Variants in INSC observed in about 807,000 individuals in gnomAD.
The protein encoded by INSC is INSC spindle orientation adaptor protein.
INSC carries 67 observed loss-of-function variants against 58.6 expected under a neutral mutation model. That is an observed-to-expected ratio of 1.14 (90% CI 0.94 to 1.40). INSC has a LOEUF of 1.40. Ranked by LOEUF, INSC falls within the 40% of genes most tolerant of loss-of-function variation. The pLI, the probability that INSC is intolerant of heterozygous loss-of-function variation, is 0.00. For missense variants in INSC, 714 were observed against 692.0 expected (o/e 1.03, Z -0.36); for synonymous variants, 262 against 276.1 (o/e 0.95, Z 0.51).
At chr11:15,113,691 T>G (rs1309760819), upstream of INSC, among the ~76,000 whole-genome samples, 1 of 152,076 alleles carries the variant, frequency 6.6e-6, no homozygotes, top group African/African-American at 2.4e-5. Flanking sequence ...GAAGCTGGCT[T>G]GTCTGAGAGG....
intron 9 of INSC, among the ~76,000 whole-genome samples, chr11:15,234,982 T>C (rs1451358804): frequency 2.0e-5 from 3 of 152,220 alleles, no homozygotes; most frequent in Non-Finnish European, 4.4e-5. Context: ...AGGCAGAGAC[T>C]TTCAGTGATG....
At position 15,240,541 on chromosome 11, in the gene INSC, C is replaced by T. The variant is rs561928228; in HGVS notation, c.1470+18C>T. 1.3e-4 allele frequency: 208 copies of T among 1,607,976 alleles called. 1 individual carries two copies. The African/African-American group carries it at 2.6e-3, about 20-fold the overall frequency. Reference sequence around the variant, plus strand: ...CCTGCCTGGTGAGTTCTCAGTCTTCCCCCAGCTTTTCCCCTGGCCTTCGGA... The same window carrying T: ...CCTGCCTGGTGAGTTCTCAGTCTTCTCCCAGCTTTTCCCCTGGCCTTCGGA... On this transcript the variant is annotated intron_variant, in intron 12 of 12. Coordinates refer to ENST00000379556, the MANE Select transcript of INSC (RefSeq NM_001042536.3).
chr11:15,228,208 G>A (rs977039141), intron 9 of INSC, among the ~76,000 whole-genome samples: 6 of 152,190 alleles, frequency 3.9e-5, no homozygotes, highest in African/African-American at 1.4e-4. Flanking sequence ...CCTCCAGAGA[G>A]GAGTCCCCTC....
At chr11:15,134,008 C>G (rs1326875883) in intron 1 of INSC, among the ~76,000 whole-genome samples, 1 of 115,074 alleles carries the variant, frequency 8.7e-6, no homozygotes, top group Non-Finnish European at 2.0e-5. Flanking sequence ...TGATATGCCT[C>G]TCTAAAAGAG....
At chr11:15,188,164 C>T in intron 5 of INSC, 1 of 985,170 alleles carries the variant, frequency 1.0e-6, no homozygotes, top group Non-Finnish European at 1.2e-6. Context: ...CAGGGCAGAT[C>T]CAGAGGGGCA....
At position 15,175,863 on chromosome 11, in the gene INSC, G is replaced by A. The variant is rs760748744; in HGVS notation, c.179G>A (p.Gly60Asp). 1.9e-6 allele frequency: 3 copies of A among 1,614,108 alleles called. No homozygotes were observed. The highest frequency in any genetic ancestry group is 1.6e-4 in the Middle Eastern group (1 of 6,062). ...ATCAGCCTGGAAGAGGATGCACAGG[G>A]TGACCTCATCCTGGCAGGTGGCCCT... ...KPISLEEDAQ[G>D]DLILAGGPGP... is the part of the protein sequence containing the mutation. Residue 60 changes from glycine (G) to aspartate (D), a missense_variant, in exon 3 of 13, where the codon GGT (glycine) becomes GAT (aspartate). Gly to Asp is a moderately conservative substitution (Grantham distance 94, BLOSUM62 -1). Coordinates refer to ENST00000379556, the MANE Select transcript of INSC (RefSeq NM_001042536.3).
At chr11:15,181,681 C>A (rs1176723273) in intron 5 of INSC, among the ~76,000 whole-genome samples, 2 of 152,116 alleles carry the variant, frequency 1.3e-5, no homozygotes, top group Non-Finnish European at 2.9e-5. Context: ...TAAGTTTTTT[C>A]TTTTCCTTTA....
chr11:15,170,265 A>G (rs372859691), intron 2 of INSC, among the ~76,000 whole-genome samples: 1 of 152,064 alleles, frequency 6.6e-6, no homozygotes, highest in Non-Finnish European at 1.5e-5. Flanking sequence ...TTCAGATTTC[A>G]CTAGTTTTTT....
intron 10 of INSC, 91 bp downstream of exon 10, chr11:15,235,759 G>A: frequency 6.5e-6 from 7 of 1,082,284 alleles, no homozygotes; most frequent in Non-Finnish European, 1.0e-5. Context: ...GTGCAGGTAT[G>A]TAAATAGGTA....
upstream of INSC, chr11:15,112,393 G>T (rs11023439): frequency 0.038 from 47,156 of 1,248,506 alleles, 1,118 homozygotes; most frequent in Non-Finnish European, 0.046. Flanking sequence ...GGCCCAGAAG[G>T]GTGGGCAAAG....
chr11:15,125,525 A>G (rs1004042344), intron 1 of INSC, among the ~76,000 whole-genome samples: 2 of 152,202 alleles, frequency 1.3e-5, no homozygotes, highest in South Asian at 4.1e-4. Context: ...GGCTAGGACC[A>G]AGGTCCACTT....
At position 15,246,113 on chromosome 11, in the gene INSC, G is replaced by A. The variant is rs1852555986; in HGVS notation, c.*73G>A. ...ACTATGCACCAGTGAACACATCTGA[G>A]TACATACCAGCTCTCCTCATCTTCT... On this transcript the variant is annotated 3_prime_UTR_variant, in exon 13 of 13. Coordinates refer to ENST00000379556, the MANE Select transcript of INSC (RefSeq NM_001042536.3). 4 of 1,512,228 alleles carry A rather than the reference G, an allele frequency of 2.6e-6. No individual in the cohort carries two copies. Among genetic ancestry groups the A allele is most frequent in the Non-Finnish European group, 3.6e-6 (4 of 1,099,160 alleles). 93.7% of individuals were successfully genotyped at this position (1,512,228 alleles called of 1,614,324 possible).
At chr11:15,222,878 G>A (rs527605168) in intron 8 of INSC, among the ~76,000 whole-genome samples, 3 of 152,298 alleles carry the variant, frequency 2.0e-5, no homozygotes, top group African/African-American at 7.2e-5. Context: ...GCTCGAGGGA[G>A]CTCAAGAGAC....
intron 10 of INSC, among the ~76,000 whole-genome samples, chr11:15,237,979 G>A (rs1852194984): frequency 6.6e-6 from 1 of 152,254 alleles, no homozygotes; most frequent in Non-Finnish European, 1.5e-5. Context: ...CTTGGGTCAT[G>A]TCTGGCTTAA....
intron 1 of INSC, among the ~76,000 whole-genome samples, chr11:15,131,795 C>A (rs548622158): frequency 6.6e-6 from 1 of 151,968 alleles, no homozygotes; most frequent in Non-Finnish European, 1.5e-5. Flanking sequence ...TATGGTATAT[C>A]TTTTGTGGCC....
downstream of INSC, among the ~76,000 whole-genome samples, chr11:15,247,491 T>C (rs908293801): frequency 1.3e-5 from 2 of 152,064 alleles, no homozygotes; most frequent in African/African-American, 4.8e-5. Flanking sequence ...GTGATGATGA[T>C]TATTATTATT....
chr11:15,153,827 A>T (rs1352554776), intron 2 of INSC, among the ~76,000 whole-genome samples: 1 of 152,144 alleles, frequency 6.6e-6, no homozygotes, highest in African/African-American at 2.4e-5. Flanking sequence ...TGAGGCCCGG[A>T]GAGGGGAATG....
At chr11:15,209,727 A>G (rs1034850173) in intron 7 of INSC, among the ~76,000 whole-genome samples, 6 of 152,206 alleles carry the variant, frequency 3.9e-5, no homozygotes, top group Non-Finnish European at 8.8e-5. Flanking sequence ...GTTCTTCCTC[A>G]TTGCAGATGA....
intron 7 of INSC, among the ~76,000 whole-genome samples, chr11:15,218,003 A>G (rs555360454): frequency 1.3e-5 from 2 of 152,294 alleles, no homozygotes; most frequent in African/African-American, 4.8e-5. Flanking sequence ...ATGCGGAAAC[A>G]CTTTGCCCTA....
Sources: allele counts gnomAD v4.1 joint callset (sites outside exome capture counted in the v4.1 genomes callset), GRCh38; gene constraint gnomAD v4.1.1; transcripts MANE v1.5; gene names NCBI Gene and HGNC (gene_info 2026-07-23, HGNC 2026-07-21).